Variants in UBE2D2 observed in about 807,000 individuals in gnomAD.
The protein encoded by UBE2D2 is ubiquitin conjugating enzyme E2 D2, also known as ubiquitin-conjugating enzyme E2 D2.
UBE2D2 carries 2 observed loss-of-function variants against 24.2 expected under a neutral mutation model. The observed-to-expected ratio is 0.08, with a 90% CI of 0.03 to 0.26. The LOEUF is 0.26. Among genes scored for constraint, UBE2D2 ranks in the 10% least tolerant of loss-of-function variants. The pLI is 1.00. For missense variants in UBE2D2, 44 were observed against 177.6 expected (o/e 0.25, Z 4.28); for synonymous variants, 58 against 56.5 (o/e 1.03, Z -0.12).
intron 1 of UBE2D2, among the ~76,000 whole-genome samples, chr5:139,530,792 G>A (rs373217468): frequency 2.6e-4 from 39 of 152,270 alleles, no homozygotes; most frequent in African/African-American, 8.4e-4. Flanking sequence ...TGCAAGTGTG[G>A]CATGGACTCA....
chr5:139,533,585 G>A (rs1189814175), intron 1 of UBE2D2, among the ~76,000 whole-genome samples: 1 of 151,570 alleles, frequency 6.6e-6, no homozygotes, highest in Non-Finnish European at 1.5e-5. Flanking sequence ...GGGAGGAGGA[G>A]GTTGCGGTGA....
At chr5:139,581,265 G>A (rs918129686) in intron 1 of UBE2D2, among the ~76,000 whole-genome samples, 5 of 152,050 alleles carry the variant, frequency 3.3e-5, no homozygotes, top group African/African-American at 9.7e-5. Flanking sequence ...TGGCCAAGAT[G>A]GTGAAACCCC....
chr5:139,569,218 T>C (rs954674051), intron 1 of UBE2D2, among the ~76,000 whole-genome samples: 3 of 152,136 alleles, frequency 2.0e-5, no homozygotes, highest in Non-Finnish European at 4.4e-5. Flanking sequence ...AATTTTTTTT[T>C]CCCCACTAAA....
rs757633348 is a variant in UBE2D2 at position 139,551,353 on chromosome 5, GAAA to G, written c.-64+24748_-64+24750del. ...AACAAGAGTGAAACTCCATCTCAAAGAAAAAAAAAGAATATTTCTCCAGGAGAA... is the reference window on the plus strand; with the variant it reads ...AACAAGAGTGAAACTCCATCTCAAAGAAAAAAGAATATTTCTCCAGGAGAA... On this transcript the variant is annotated intron_variant, in intron 1 of 6. Transcript: ENST00000511725. 4.0e-5 allele frequency among the ~76,000 whole-genome samples: 6 copies of G among 150,536 alleles called. No individual in the cohort carries two copies. The East Asian group carries it at 9.7e-4, about 24-fold the overall frequency.
chr5:139,600,350 CT>C, intron 1 of UBE2D2, 21 bp from the exon 2 acceptor site: 8 of 1,611,798 alleles, frequency 5.0e-6, no homozygotes, highest in Non-Finnish European at 5.1e-6. Context: ...GAATATATTT[CT>C]TTTCTTTCTT....
At chr5:139,591,476 C>T (rs186585942) in intron 1 of UBE2D2, among the ~76,000 whole-genome samples, 73 of 152,232 alleles carry the variant, frequency 4.8e-4, no homozygotes, top group Middle Eastern at 6.8e-3. Context: ...AGGGAATACA[C>T]AGTTTAATCT....
rs570840853 is a variant in UBE2D2 at position 139,582,863 on chromosome 5, G to T, written c.25-17509G>T. Among the ~76,000 whole-genome samples the T allele has an allele frequency of 2.1e-3, 319 of 151,610 alleles. 1 individual carries two copies. The highest frequency in any genetic ancestry group is 3.8e-3 in the Non-Finnish European group (255 of 67,906). On this transcript the variant is annotated intron_variant, in intron 1 of 6. Coordinates refer to ENST00000398733, the MANE Select transcript of UBE2D2 (RefSeq NM_003339.3). ...TTTTTTGTAGTTTTAGTAGAGATGG[G>T]GTTTCACCGTGTTAGCCAGGATGGT...
chr5:139,527,721 A>G (rs1311804489), intron 1 of UBE2D2, among the ~76,000 whole-genome samples: 1 of 152,216 alleles, frequency 6.6e-6, no homozygotes. Context: ...TGTTTAAAAA[A>G]TTGTCTGCAA....
At chr5:139,615,819 A>G (rs1482654504) in intron 5 of UBE2D2, among the ~76,000 whole-genome samples, 1 of 150,758 alleles carries the variant, frequency 6.6e-6, no homozygotes, top group Non-Finnish European at 1.5e-5. Context: ...GTTGCGTTAC[A>G]ATAATCTAGA....
intron 1 of UBE2D2, among the ~76,000 whole-genome samples, chr5:139,534,883 A>T (rs1277527102): frequency 1.3e-5 from 2 of 152,170 alleles, no homozygotes; most frequent in Non-Finnish European, 2.9e-5. Flanking sequence ...TCACACCTGT[A>T]ATCCCAGCAG....
At chr5:139,616,557 C>T (rs529483636) in intron 5 of UBE2D2, among the ~76,000 whole-genome samples, 5 of 152,046 alleles carry the variant, frequency 3.3e-5, no homozygotes, top group Non-Finnish European at 4.4e-5. Flanking sequence ...ATGAATGTTA[C>T]GTTCCTATTT....
intron 1 of UBE2D2, among the ~76,000 whole-genome samples, chr5:139,548,171 AAAAAAAAAAAAAT>A (rs1225901475): frequency 1.3e-4 from 5 of 38,894 alleles, no homozygotes; most frequent in Admixed American, 6.9e-4. Flanking sequence ...CTCAAAAAAA[AAAAAAAAAAAAAT>A]AAAAAAAAAA....
chr5:139,618,357 G>A (rs1377596946), intron 5 of UBE2D2, among the ~76,000 whole-genome samples: 1 of 152,112 alleles, frequency 6.6e-6, no homozygotes, highest in Non-Finnish European at 1.5e-5. Context: ...AAAACAGGAT[G>A]CCAGAGAACC....
intron 1 of UBE2D2, among the ~76,000 whole-genome samples, chr5:139,542,722 C>T (rs1752775631): frequency 6.6e-6 from 1 of 152,140 alleles, no homozygotes; most frequent in Non-Finnish European, 1.5e-5. Context: ...CCCAAGTGTC[C>T]ATCAGCAGAT....
chr5:139,550,870 A>G (rs1004323513), intron 1 of UBE2D2, among the ~76,000 whole-genome samples: 3 of 152,174 alleles, frequency 2.0e-5, no homozygotes, highest in African/African-American at 2.4e-5. Flanking sequence ...CGGACATACC[A>G]TCTTTAAGAA....
intron 1 of UBE2D2, among the ~76,000 whole-genome samples, chr5:139,595,295 A>T (rs1753936074): frequency 6.6e-6 from 1 of 152,190 alleles, no homozygotes. Flanking sequence ...AGTTTTCATC[A>T]TGATGTAGAG....
chr5:139,526,693 A>G (rs937752427), intron 1 of UBE2D2: 1 of 151,084 alleles, frequency 6.6e-6, no homozygotes, highest in Non-Finnish European at 1.5e-5. Context: ...CTGCATTGGC[A>G]CTTTTGTTCT....
intron 1 of UBE2D2, 66 bp downstream of exon 1, chr5:139,561,881 G>A: frequency 6.9e-7 from 1 of 1,439,244 alleles, no homozygotes; most frequent in South Asian, 1.6e-5. Context: ...ACTTCCCGCC[G>A]TAGTCTCCGT....
At chr5:139,581,699 C>T (rs746363173) in intron 1 of UBE2D2, among the ~76,000 whole-genome samples, 5 of 152,006 alleles carry the variant, frequency 3.3e-5, no homozygotes, top group Admixed American at 6.6e-5. Flanking sequence ...GATGGAGTCT[C>T]GATCCGTCAC....
Sources: gnomAD v4.1 joint callset for allele counts (sites outside exome capture counted in the v4.1 genomes callset) on GRCh38, gnomAD v4.1.1 for gene constraint, MANE v1.5 for transcripts, NCBI Gene and HGNC (gene_info 2026-07-23, HGNC 2026-07-21) for gene names.